The following DEPTOR variants were observed in gnomAD, a reference collection of about 807,000 sequenced individuals.
DEPTOR encodes the protein DEP domain containing MTOR interacting protein, also known as DEP domain-containing mTOR-interacting protein.
In DEPTOR, 41 loss-of-function variants were observed where a neutral mutation model predicts 41.6. That is an observed-to-expected ratio of 0.98 (90% CI 0.77 to 1.28). DEPTOR has a LOEUF of 1.28. Among genes scored for constraint, DEPTOR ranks in the 50% most tolerant of loss-of-function variants. DEPTOR has a pLI of 0.00. For synonymous variants in DEPTOR, 195 were observed against 192.3 expected, an observed-to-expected ratio of 1.01 and a Z score of -0.12; for missense variants, 514 against 527.9, an observed-to-expected ratio of 0.97 and a Z score of 0.26.
chr8:119,977,187 G>A (rs893565936), intron 4 of DEPTOR, among the ~76,000 whole-genome samples: 13 of 152,106 alleles, frequency 8.5e-5, no homozygotes, highest in Non-Finnish European at 1.6e-4. Flanking sequence ...ACTTTTGGTA[G>A]AGACGGGGTT....
intron 3 of DEPTOR, among the ~76,000 whole-genome samples, chr8:119,963,279 C>T (rs1391669478): frequency 2.0e-5 from 3 of 151,784 alleles, no homozygotes; most frequent in Non-Finnish European, 2.9e-5. Flanking sequence ...GAGGGCAGGT[C>T]GAAAACCAAT....
intron 1 of DEPTOR, among the ~76,000 whole-genome samples, chr8:119,892,816 C>A (rs1563958703): frequency 6.6e-6 from 1 of 151,766 alleles, no homozygotes; most frequent in East Asian, 1.9e-4. Flanking sequence ...GGAGTCTCGC[C>A]CTGTTGCCCA....
chr8:120,032,211 CT>C (rs60003356), intron 8 of DEPTOR, among the ~76,000 whole-genome samples: 342 of 120,748 alleles, frequency 2.8e-3, no homozygotes, highest in Non-Finnish European at 4.6e-3. Context: ...CACTAACTTT[CT>C]TTTTTTTTTT....
At chr8:120,017,895 G>T (rs1047168154) in intron 8 of DEPTOR, among the ~76,000 whole-genome samples, 2 of 152,170 alleles carry the variant, frequency 1.3e-5, no homozygotes, top group Non-Finnish European at 2.9e-5. Flanking sequence ...CTGCCGTGAT[G>T]AATTGATGGA....
chr8:120,027,929 G>A (rs1211898146), intron 8 of DEPTOR, among the ~76,000 whole-genome samples: 2 of 152,080 alleles, frequency 1.3e-5, no homozygotes, highest in Non-Finnish European at 2.9e-5. Flanking sequence ...TCTGGGGTAA[G>A]GCTCAGACAT....
chr8:119,919,620 C>T (rs1002320625), intron 1 of DEPTOR, among the ~76,000 whole-genome samples: 1 of 152,126 alleles, frequency 6.6e-6, no homozygotes, highest in Non-Finnish European at 1.5e-5. Context: ...CCTGGGTTCT[C>T]AGATCCCCAA....
intron 8 of DEPTOR, 120 bp downstream of exon 8, chr8:120,009,253 CCTCT>C: frequency 2.4e-6 from 2 of 845,028 alleles, no homozygotes; most frequent in South Asian, 3.6e-5. Flanking sequence ...CTATTTCTGC[CCTCT>C]CTTTCTTGTT....
At chr8:119,982,571 G>A (rs1828782144) in intron 4 of DEPTOR, among the ~76,000 whole-genome samples, 1 of 152,166 alleles carries the variant, frequency 6.6e-6, no homozygotes, top group South Asian at 2.1e-4. Context: ...ATAACAGAAA[G>A]TGCAGTAAAG....
chr8:119,889,776 G>A (rs1827428403), intron 1 of DEPTOR, among the ~76,000 whole-genome samples: 1 of 151,966 alleles, frequency 6.6e-6, no homozygotes, highest in Non-Finnish European at 1.5e-5. Context: ...CCTATGTTGT[G>A]GGAAACCAGG....
intron 1 of DEPTOR, among the ~76,000 whole-genome samples, chr8:119,894,314 C>T (rs539284090): frequency 5.3e-5 from 8 of 152,274 alleles, no homozygotes; most frequent in Non-Finnish European, 1.0e-4. Context: ...GAGCCTCCCA[C>T]GTCGGCCTCC....
At chr8:119,980,093 A>G (rs112819525) in intron 4 of DEPTOR, among the ~76,000 whole-genome samples, 2,846 of 152,080 alleles carry the variant, frequency 0.019, 87 homozygotes, top group African/African-American at 0.064. Flanking sequence ...GGGCTACCCA[A>G]TGAAAATATG....
chr8:119,894,412 T>TTTATTTATTTATTTATTTATTTATTTA (rs1554671423), intron 1 of DEPTOR, among the ~76,000 whole-genome samples: 19 of 148,654 alleles, frequency 1.3e-4, no homozygotes, highest in African/African-American at 1.7e-4. Flanking sequence ...TTATTTATTT[T>TTTATTTATTTATTTATTTATTTATTTA]TTGAGACAGA....
chr8:119,966,193 G>C (rs1381818462), intron 4 of DEPTOR, among the ~76,000 whole-genome samples: 1 of 152,222 alleles, frequency 6.6e-6, no homozygotes, highest in South Asian at 2.1e-4. Context: ...AGTCCGGCAC[G>C]GTGGCTCACA....
At chr8:119,945,161 GAATA>G (rs1265582054) in intron 3 of DEPTOR, among the ~76,000 whole-genome samples, 1 of 152,146 alleles carries the variant, frequency 6.6e-6, no homozygotes, top group Non-Finnish European at 1.5e-5. Flanking sequence ...TTGAAGAGAT[GAATA>G]GATAGATGAA....
chr8:120,022,100 G>A (rs1193148681), intron 8 of DEPTOR, among the ~76,000 whole-genome samples: 1 of 143,824 alleles, frequency 7.0e-6, no homozygotes, highest in East Asian at 2.0e-4. Context: ...CAAGGTTACA[G>A]CGAACTGTGA....
At chr8:119,986,407 G>GA (rs1828831352) in intron 4 of DEPTOR, among the ~76,000 whole-genome samples, 1 of 152,156 alleles carries the variant, frequency 6.6e-6, no homozygotes, top group Admixed American at 6.5e-5. Context: ...CTCTTAGTCT[G>GA]ATGGGCTTCC....
At chr8:119,925,904 C>T (rs1210369488) in intron 1 of DEPTOR, among the ~76,000 whole-genome samples, 5 of 152,200 alleles carry the variant, frequency 3.3e-5, no homozygotes, top group Non-Finnish European at 5.9e-5. Flanking sequence ...GGATTACAGG[C>T]GTGAGCCACC....
intron 8 of DEPTOR, among the ~76,000 whole-genome samples, chr8:120,043,328 G>A (rs548971367): frequency 6.6e-4 from 100 of 152,046 alleles, no homozygotes; most frequent in African/African-American, 2.2e-3. Flanking sequence ...CATGATAAAT[G>A]TTTTGAAGGC....
chr8:120,013,169 A>AAAAAAAAGAT (rs1812558754), intron 8 of DEPTOR, among the ~76,000 whole-genome samples: 1 of 151,732 alleles, frequency 6.6e-6, no homozygotes, highest in Admixed American at 6.6e-5. Flanking sequence ...AGAAAAAAAA[A>AAAAAAAAGAT]AAAAAAGATG....
Sources: gnomAD v4.1 joint callset for allele counts (sites outside exome capture counted in the v4.1 genomes callset) on GRCh38, gnomAD v4.1.1 for gene constraint, MANE v1.5 for transcripts, NCBI Gene and HGNC (gene_info 2026-07-23, HGNC 2026-07-21) for gene names.